Variants in ATN1 observed in about 807,000 individuals in gnomAD.
ATN1 encodes atrophin 1, also known as atrophin-1.
Under a neutral mutation model 85.8 loss-of-function variants are expected in ATN1, and 19 were observed. The ratio of observed to expected loss-of-function variants is 0.22; its 90% confidence interval spans 0.15 to 0.32. The LOEUF (loss-of-function observed/expected upper bound fraction) is 0.32, where lower values mean the gene tolerates loss of function less well. Among genes scored for constraint, ATN1 ranks in the 10% least tolerant of loss-of-function variants. ATN1 has a pLI of 1.00. For missense variants in ATN1, 1,453 were observed against 1,564.5 expected, an observed-to-expected ratio of 0.93 and a Z score of 1.20; for synonymous variants, 674 against 657.0, an observed-to-expected ratio of 1.03 and a Z score of -0.39.
At position 6,937,835 on chromosome 12, in the gene ATN1, C is replaced by T. The variant is rs782213925; in HGVS notation, c.2295-10C>T. On this transcript the variant is annotated splice_polypyrimidine_tract_variant and intron_variant, in intron 5 of 9. Transcript: ENST00000396684. The surrounding 1 kb of genome is among the most constrained non-coding windows in gnomAD (Gnocchi z 6.0). ...ACCGCCTGAGCGCCCGCTGCTTCCA[C>T]GCCCGGCAGGTTCAACAAACACCTG... 3.9e-6 allele frequency: 6 copies of T among 1,547,494 alleles called. No individual in the cohort carries two copies. The Admixed American group carries it at 1.2e-4, about 31-fold the overall frequency.
In ATN1 at chr12:6,940,968, C is replaced by T. The variant is rs1555144549; in HGVS notation, c.3303C>T (p.Asn1101=). The part of the protein sequence containing the change: ...RIPYPAGTLP[N]PLLPHPLHEN... The stretch of plus-strand genomic sequence containing the variant: ...CCTACCCAGCTGGAACTCTCCCTAA[C>T]CCCCTGCTTCCTCACCCTCTGCACG... Residue 1101 remains asparagine, a synonymous_variant, in exon 8 of 10, where the codon AAC becomes AAT. Coordinates refer to ENST00000396684, the MANE Select transcript of ATN1 (RefSeq NM_001940.4). 1 of 1,614,218 alleles carries T rather than the reference C, an allele frequency of 6.2e-7. No individual in the cohort carries two copies. Among genetic ancestry groups the T allele is most frequent in the Non-Finnish European group, 8.5e-7 (1 of 1,180,038 alleles).
intron 1 of ATN1, among the ~76,000 whole-genome samples, chr12:6,931,559 C>G (rs1487427921): frequency 6.7e-6 from 1 of 150,108 alleles, no homozygotes; most frequent in Non-Finnish European, 1.5e-5. Flanking sequence ...ACTAAAAATA[C>G]AAAAATTAGC....
rs781919141 is a variant in ATN1 at position 6,929,077 on chromosome 12, C to T, written c.-163+693C>T. On this transcript the variant is annotated intron_variant, in intron 1 of 9. Transcript: ENST00000396684. Reference sequence around the variant, plus strand: ...GCAGGTCACCTCTGACCCTGTTTTCCCTATCCCAGACATAGTTATTTCTTG... The same window carrying T: ...GCAGGTCACCTCTGACCCTGTTTTCTCTATCCCAGACATAGTTATTTCTTG... Among the ~76,000 whole-genome samples the T allele has an allele frequency of 2.0e-5, 3 of 152,228 alleles. No individual in the cohort carries two copies. In the South Asian group the frequency reaches 6.2e-4, roughly 32 times the overall value.
Position 6,935,440 on chromosome 12 carries a change from C to A in ATN1, c.280-107C>A. 1 of 1,278,028 alleles carries A rather than the reference C, an allele frequency of 7.8e-7. No homozygotes were observed. Among genetic ancestry groups the A allele is most frequent in the Non-Finnish European group, 1.1e-6 (1 of 935,400 alleles). The allele number at this position is 1,278,028 out of a possible 1,614,324, so 79.2% of individuals were successfully genotyped here. A position where few individuals can be genotyped will look rare whatever the true frequency, so the allele number is the denominator to read the frequency against. Reference sequence around the variant, plus strand: ...TTGAGCAAGAGTACTCACCACATCACAGTACAACAGTGTGCTGTGAGGGGA... The same window carrying A: ...TTGAGCAAGAGTACTCACCACATCAAAGTACAACAGTGTGCTGTGAGGGGA... On this transcript the variant is annotated intron_variant, in intron 4 of 9. Coordinates refer to ENST00000396684, the MANE Select transcript of ATN1 (RefSeq NM_001940.4). This position sits in a 1 kb window ranked among gnomAD's most constrained non-coding sequence, Gnocchi z 5.3.
rs782062831 is a variant in ATN1 at position 6,936,272 on chromosome 12, G to A, written c.1005G>A (p.Met335Ile). ...GTCATCTGCCCTCTCCCCACGCCAT[G>A]GGACAGGGTATGGGTGGACTTCCTC... ...LPGHLPSPHA[M>I]GQGMGGLPPG... The change falls in exon 5 of 10, where the codon ATG becomes ATA. Residue 335 changes from methionine (M) to isoleucine (I), a missense_variant. Around this residue, in one of 6 missense-constraint regions of ATN1, gnomAD observed 990 missense variants for 914.8 expected, o/e 1.08. Transcript: ENST00000396684. The A allele has an allele frequency of 5.6e-6, 9 of 1,612,530 alleles. No individual in the cohort carries two copies. Among genetic ancestry groups the A allele is most frequent in the African/African-American group, 1.3e-5 (1 of 74,924 alleles).
rs1555144628 is a variant in ATN1, at chr12:6,941,453, G to A, written c.3438G>A (p.Gln1146=). Residue 1146 remains glutamine (Q), a synonymous_variant, in exon 9 of 10, where the codon CAG becomes CAA. Coordinates refer to ENST00000396684, the MANE Select transcript of ATN1 (RefSeq NM_001940.4). This position sits in a 1 kb window ranked among gnomAD's most constrained non-coding sequence, Gnocchi z 5.9. ...ATCAGCTGCAGGCCATGCACGCACA[G>A]TCAGCTGAGCTGCAGCGCTTGGCGC... ...AAHQLQAMHA[Q]SAELQRLALE... is the part of the protein sequence containing the mutation. 3 of 1,612,760 alleles carry A rather than the reference G, an allele frequency of 1.9e-6. No homozygotes were observed. The highest frequency in any genetic ancestry group is 2.7e-5 in the African/African-American group (2 of 74,912).
In ATN1 at chr12:6,941,138, A is replaced by C; in HGVS notation, c.3358+115A>C. On this transcript the variant is annotated intron_variant, in intron 8 of 9. Transcript: ENST00000396684. The surrounding 1 kb of genome is among the most constrained non-coding windows in gnomAD (Gnocchi z 5.9). ...GGAGGGATGAGGAGGTGCCTAGAGG[A>C]GCTGGGCATGGGAATAGGAGAGCTG... is the stretch of plus-strand genomic sequence containing the variant. 1 of 1,367,648 alleles carries C rather than the reference A, an allele frequency of 7.3e-7. No homozygotes were observed. The highest frequency in any genetic ancestry group is 9.9e-7 in the Non-Finnish European group (1 of 1,005,354). The allele number at this position is 1,367,648 out of a possible 1,614,324, so 84.7% of individuals were successfully genotyped here.
chr12:6,937,877 C>T lies in ATN1; in HGVS notation c.2327C>T (p.Ser776Leu). 1 of 1,588,886 alleles carries T rather than the reference C, an allele frequency of 6.3e-7. No homozygotes were observed. The highest frequency in any genetic ancestry group is 8.6e-7 in the Non-Finnish European group (1 of 1,168,708). The change falls in exon 6 of 10, where the codon TCG becomes TTG. Residue 776 changes from serine to leucine, a missense_variant. Around this residue, in one of 6 missense-constraint regions of ATN1, gnomAD observed 990 missense variants for 914.8 expected, o/e 1.08. Coordinates refer to ENST00000396684, the MANE Select transcript of ATN1 (RefSeq NM_001940.4). This position sits in a 1 kb window ranked among gnomAD's most constrained non-coding sequence, Gnocchi z 6.0. ...AAACACCTGGATCGCGGCTTCAACT[C>T]GTGCGCGCGCAGCGACCTGTACTTC... is the stretch of plus-strand genomic sequence containing the variant. The part of the protein sequence containing the change: ...FNKHLDRGFN[S>L]CARSDLYFVP...
Position 6,936,803 on chromosome 12 carries a change from T to C in ATN1, c.1536T>C (p.Pro512=). The part of the protein sequence containing the change: ...QHHGNSGPPP[P]GAFPHPLEGG... ...ACGGAAACTCTGGGCCCCCTCCTCC[T>C]GGAGCATTTCCCCACCCACTGGAGG... The change falls in exon 5 of 10, where the codon CCT becomes CCC. Residue 512 remains proline, a synonymous_variant. Transcript: ENST00000396684. 6.2e-7 allele frequency: 1 copy of C among 1,612,166 alleles called. No homozygotes were observed. Among genetic ancestry groups the C allele is most frequent in the Non-Finnish European group, 8.5e-7 (1 of 1,179,174 alleles).
chr12:6,939,629 G>A (rs1254918903), intron 7 of ATN1, among the ~76,000 whole-genome samples: 2 of 152,140 alleles, frequency 1.3e-5, no homozygotes, highest in Non-Finnish European at 2.9e-5. Flanking sequence ...AGCCTCTGGA[G>A]TAGCTGGGAT....
intron 6 of ATN1, 92 bp downstream of exon 6, chr12:6,938,159 T>C (rs1167763464): frequency 2.1e-6 from 3 of 1,444,964 alleles, no homozygotes; most frequent in Non-Finnish European, 2.7e-6. Context: ...TGCGGGGCTG[T>C]GGCTGGGTGG....
chr12:6,931,128 A>G lies in ATN1; in HGVS notation c.-162-2712A>G, dbSNP rs1945456497. ...GCATACTATGATTGCTGTGTTCCTC[A>G]GGTACATTCCTGTGTTTCTCTGACC... is the stretch of plus-strand genomic sequence containing the variant. On this transcript the variant is annotated intron_variant, in intron 1 of 9. Transcript: ENST00000396684. 6.6e-6 allele frequency among the ~76,000 whole-genome samples: 1 copy of G among 152,168 alleles called. No homozygotes were observed. Among genetic ancestry groups the G allele is most frequent in the Non-Finnish European group, 1.5e-5 (1 of 68,032 alleles).
intron 7 of ATN1, 95 bp from the exon 8 acceptor site, chr12:6,940,781 TTGTC>T (rs1555144519): frequency 6.8e-7 from 1 of 1,473,520 alleles, no homozygotes; most frequent in African/African-American, 1.4e-5. Context: ...CTCCTTGTGT[TTGTC>T]TGACTCAGTT....
rs1945421889 is a variant in ATN1 at position 6,928,320 on chromosome 12, C to A, written c.-227C>A. The A allele has an allele frequency of 6.6e-6, 1 of 150,812 alleles. No individual in the cohort carries two copies. The highest frequency in any genetic ancestry group is 2.4e-5 in the African/African-American group (1 of 41,122). The allele number at this position is 150,812 out of a possible 1,614,324, so 9.3% of individuals were successfully genotyped here. ...GGGGCGGGGGAGCTGCCGCCGCCGC[C>A]CCCCAGAGGCGCCGGAGCCCGGAAT... On this transcript the variant is annotated 5_prime_UTR_variant, in exon 1 of 10. Coordinates refer to ENST00000396684, the MANE Select transcript of ATN1 (RefSeq NM_001940.4).
rs1405985493 is a variant in ATN1 at position 6,927,963 on chromosome 12, G to T, written c.-584G>T. 2.0e-5 allele frequency among the ~76,000 whole-genome samples: 3 copies of T among 147,584 alleles called. No homozygotes were observed. In the South Asian group the frequency reaches 6.4e-4, roughly 31 times the overall value. On this transcript the variant is annotated 5_prime_UTR_variant, in exon 1 of 10. Transcript: ENST00000396684. ...CGGGGAAGGGGCGGGGGCCGCGGGC[G>T]AGGCGGCCGAGGGGCCCGGGATCGC...
chr12:6,940,836 C>T (rs2071076), intron 7 of ATN1, 44 bp from the exon 8 acceptor site: 526,977 of 1,612,874 alleles, frequency 0.33, 95,784 homozygotes, highest in African/African-American at 0.79. Context: ...TGGTTTGCCC[C>T]AAACCTGCCT....
upstream of ATN1, chr12:6,924,553 C>T (rs2138193458): frequency 6.6e-6 from 1 of 152,656 alleles, no homozygotes; most frequent in Non-Finnish European, 1.5e-5. Context: ...GTCCTGGCTC[C>T]CTCTGCCATC....
chr12:6,932,038 A>G (rs1053693343), intron 1 of ATN1, among the ~76,000 whole-genome samples: 3 of 141,022 alleles, frequency 2.1e-5, no homozygotes, highest in Admixed American at 1.4e-4. Flanking sequence ...CTGTCTCAAA[A>G]AAAAAAAAAA....
intron 1 of ATN1, among the ~76,000 whole-genome samples, chr12:6,933,048 T>G (rs145743398): frequency 6.6e-6 from 1 of 152,126 alleles, no homozygotes; most frequent in Non-Finnish European, 1.5e-5. Flanking sequence ...CTGTGTGAGG[T>G]TGGGCTAGTC....
Sources: allele counts gnomAD v4.1 joint callset (sites outside exome capture counted in the v4.1 genomes callset), GRCh38; gene constraint gnomAD v4.1.1; regional missense constraint gnomAD v4.1.1; non-coding constraint Gnocchi (gnomAD v3.1); transcripts MANE v1.5; gene names NCBI Gene and HGNC (gene_info 2026-07-23, HGNC 2026-07-21).